The following ATRNL1 variants were observed in gnomAD, a reference collection of about 807,000 sequenced individuals.
The protein encoded by ATRNL1 is attractin-like protein 1.
ATRNL1 carries 95 observed loss-of-function variants against 182.7 expected under a neutral mutation model. The ratio of observed to expected loss-of-function variants is 0.52; its 90% CI spans 0.44 to 0.62. ATRNL1 has a LOEUF of 0.62. Among genes scored for constraint, ATRNL1 ranks in the 20% least tolerant of loss-of-function variants. The pLI, the probability that ATRNL1 is intolerant of heterozygous loss-of-function variation, is 0.00. For synonymous variants in ATRNL1, 576 were observed against 568.3 expected (o/e 1.01, Z -0.19); for missense variants, 1,471 against 1,679.5 (o/e 0.88, Z 2.17).
At chr10:115,623,126 A>C (rs1169159208) in intron 26 of ATRNL1, among the ~76,000 whole-genome samples, 1 of 152,208 alleles carries the variant, frequency 6.6e-6, no homozygotes, top group Non-Finnish European at 1.5e-5. Context: ...TCATTTAAAA[A>C]TTGTACAATA....
chr10:115,836,523 A>C (rs114203698), intron 27 of ATRNL1, among the ~76,000 whole-genome samples: 2,490 of 151,858 alleles, frequency 0.016, 85 homozygotes, highest in African/African-American at 0.057. Flanking sequence ...TTTTCCGTGC[A>C]CCTCCCCTCG....
intron 14 of ATRNL1, among the ~76,000 whole-genome samples, chr10:115,283,493 C>T (rs1203074838): frequency 6.6e-6 from 1 of 152,116 alleles, no homozygotes; most frequent in Non-Finnish European, 1.5e-5. Context: ...CATACTGGCC[C>T]TTAAAGCCTT....
At chr10:115,356,674 A>G (rs1432671132) in intron 19 of ATRNL1, among the ~76,000 whole-genome samples, 1 of 151,870 alleles carries the variant, frequency 6.6e-6, no homozygotes, top group Non-Finnish European at 1.5e-5. Context: ...GGCTTTATCA[A>G]ACCTACTCCC....
intron 27 of ATRNL1, among the ~76,000 whole-genome samples, chr10:115,788,161 T>C (rs1555080819): frequency 6.6e-6 from 1 of 152,226 alleles, no homozygotes; most frequent in African/African-American, 2.4e-5. Context: ...TGTTTCTCAG[T>C]AGTTCTATGC....
intron 8 of ATRNL1, among the ~76,000 whole-genome samples, chr10:115,181,636 T>C (rs1365880437): frequency 1.3e-5 from 2 of 151,744 alleles, no homozygotes; most frequent in Non-Finnish European, 3.0e-5. Context: ...AGGAACTAAT[T>C]CATTACTTAT....
chr10:115,885,909 C>T (rs1428306163), intron 28 of ATRNL1, among the ~76,000 whole-genome samples: 1 of 152,128 alleles, frequency 6.6e-6, no homozygotes, highest in African/African-American at 2.4e-5. Flanking sequence ...TGAGGGTTCT[C>T]TAAAAGAAGT....
chr10:115,734,184 T>C (rs1447945395), intron 27 of ATRNL1, among the ~76,000 whole-genome samples: 1 of 114,532 alleles, frequency 8.7e-6, no homozygotes, highest in Non-Finnish European at 2.1e-5. Context: ...TCGATCTTAC[T>C]TTATGAAAAA....
intron 25 of ATRNL1, among the ~76,000 whole-genome samples, chr10:115,527,974 TTCCC>T (rs1230812310): frequency 0.033 from 1,189 of 36,132 alleles, 66 homozygotes; most frequent in East Asian, 0.15. Flanking sequence ...CCCTCCCTCC[TTCCC>T]TCCCTCCCTC....
intron 18 of ATRNL1, among the ~76,000 whole-genome samples, chr10:115,316,758 T>C (rs1854320098): frequency 6.6e-6 from 1 of 152,102 alleles, no homozygotes; most frequent in Admixed American, 6.6e-5. Context: ...TTTTACGGAG[T>C]TGTTCATTTT....
At chr10:115,804,483 C>T (rs1949872560) in intron 27 of ATRNL1, among the ~76,000 whole-genome samples, 1 of 152,086 alleles carries the variant, frequency 6.6e-6, no homozygotes. Flanking sequence ...CTCTTTGCCA[C>T]GTGAGGGTAC....
intron 25 of ATRNL1, among the ~76,000 whole-genome samples, chr10:115,537,797 A>G (rs1292310082): frequency 3.3e-5 from 5 of 152,222 alleles, no homozygotes; most frequent in Middle Eastern, 3.4e-3. Flanking sequence ...TAACACATGC[A>G]TCATTTATTA....
intron 8 of ATRNL1, among the ~76,000 whole-genome samples, chr10:115,181,065 C>G (rs1847730363): frequency 1.3e-5 from 2 of 151,860 alleles, no homozygotes; most frequent in South Asian, 4.1e-4. Context: ...TTTCCAATCC[C>G]TGTCCTGGAG....
chr10:115,134,482 C>A (rs1424237996), intron 5 of ATRNL1, among the ~76,000 whole-genome samples: 2 of 151,998 alleles, frequency 1.3e-5, no homozygotes, highest in Non-Finnish European at 2.9e-5. Flanking sequence ...CAAGACTAAC[C>A]AGGAAGAAGT....
chr10:115,623,186 G>A (rs916726700), intron 26 of ATRNL1, among the ~76,000 whole-genome samples: 2 of 151,932 alleles, frequency 1.3e-5, no homozygotes, highest in African/African-American at 4.8e-5. Context: ...ATCAAAAAGG[G>A]AACAAAAATG....
intron 26 of ATRNL1, among the ~76,000 whole-genome samples, chr10:115,622,188 A>G (rs1163886168): frequency 1.3e-5 from 2 of 152,370 alleles, no homozygotes; most frequent in East Asian, 3.9e-4. Context: ...TTGCACTTCC[A>G]GGATATGCAG....
At chr10:115,745,836 C>T (rs1948276616) in intron 27 of ATRNL1, among the ~76,000 whole-genome samples, 1 of 151,934 alleles carries the variant, frequency 6.6e-6, no homozygotes, top group African/African-American at 2.4e-5. Flanking sequence ...GTTAGTTTTC[C>T]CATAGCTATA....
chr10:115,429,308 T>C (rs1846043345), intron 21 of ATRNL1, among the ~76,000 whole-genome samples: 2 of 152,138 alleles, frequency 1.3e-5, no homozygotes, highest in South Asian at 4.1e-4. Context: ...TGTTTGTAGA[T>C]TTGCTTGGAT....
chr10:115,214,312 A>G (rs1405020719), intron 8 of ATRNL1, among the ~76,000 whole-genome samples: 2 of 23,112 alleles, frequency 8.7e-5, no homozygotes, highest in Non-Finnish European at 3.6e-4. Context: ...TAGTTCAAAT[A>G]TATATATATA....
At chr10:115,869,397 G>C (rs144387403) in intron 28 of ATRNL1, among the ~76,000 whole-genome samples, 80 of 152,308 alleles carry the variant, frequency 5.3e-4, no homozygotes, top group Middle Eastern at 3.4e-3. Flanking sequence ...TAGTGGGAAA[G>C]AGCTAGGCTC....
Sources: allele counts gnomAD v4.1 joint callset (sites outside exome capture counted in the v4.1 genomes callset), GRCh38; gene constraint gnomAD v4.1.1; transcripts MANE v1.5; gene names NCBI Gene and HGNC (gene_info 2026-07-23, HGNC 2026-07-21).